Variants in TENM2 observed in about 807,000 individuals in gnomAD.
TENM2 encodes teneurin transmembrane protein 2.
In TENM2, 52 loss-of-function variants were observed where a neutral mutation model predicts 245.2. The ratio of observed to expected loss-of-function variants is 0.21; its 90% CI spans 0.17 to 0.27. The LOEUF (loss-of-function observed/expected upper bound fraction) is 0.27, where lower values mean the gene tolerates loss of function less well. TENM2 is among the 10% of genes least tolerant of loss of function. The pLI is 1.00. For missense variants in TENM2, 3,046 were observed against 3,666.8 expected, an observed-to-expected ratio of 0.83 and a Z score of 4.37; for synonymous variants, 1,363 against 1,438.9, an observed-to-expected ratio of 0.95 and a Z score of 1.19.
the TENM2 span, among the ~76,000 whole-genome samples, chr5:167,007,096 C>A: frequency 2.0e-5 from 3 of 152,198 alleles, no homozygotes; most frequent in Non-Finnish European, 4.4e-5. The surrounding 1 kb of genome is among the most constrained non-coding windows in gnomAD (Gnocchi z 4.2). Flanking sequence ...TTTACCCATT[C>A]TCCTGCTACT....
intron 1 of TENM2, among the ~76,000 whole-genome samples, chr5:167,321,364 T>G (rs1253930297): frequency 2.0e-5 from 3 of 152,200 alleles, no homozygotes; most frequent in Non-Finnish European, 4.4e-5. Context: ...GGCCTGCTTT[T>G]TCCTTTTCTA....
intron 2 of TENM2, among the ~76,000 whole-genome samples, chr5:167,533,273 G>A (rs1274045968): frequency 6.6e-6 from 1 of 152,148 alleles, no homozygotes; most frequent in Non-Finnish European, 1.5e-5. Context: ...CGAAAAACAA[G>A]CCAATGAACT....
At chr5:167,350,406 C>CAT (rs1207652567) in intron 1 of TENM2, among the ~76,000 whole-genome samples, 50 of 96,948 alleles carry the variant, frequency 5.2e-4, no homozygotes, top group Non-Finnish European at 7.8e-4. Context: ...AACCCATATA[C>CAT]ATATATATGT....
At chr5:167,301,138 C>T (rs915837576) in intron 1 of TENM2, among the ~76,000 whole-genome samples, 10 of 152,252 alleles carry the variant, frequency 6.6e-5, no homozygotes, top group African/African-American at 2.2e-4. Context: ...CCGAGGTGAT[C>T]GGGCAGCGTC....
At chr5:167,632,425 G>A (rs974990471) in intron 2 of TENM2, among the ~76,000 whole-genome samples, 4 of 152,174 alleles carry the variant, frequency 2.6e-5, no homozygotes, top group Non-Finnish European at 4.4e-5. Context: ...AAGTGACACT[G>A]GAAAAATCAA....
intron 3 of TENM2, among the ~76,000 whole-genome samples, chr5:167,948,286 C>T (rs1232344805): frequency 6.6e-6 from 1 of 152,186 alleles, no homozygotes; most frequent in African/African-American, 2.4e-5. Flanking sequence ...TCACTGCCAA[C>T]CGGTAGGCAT....
intron 2 of TENM2, among the ~76,000 whole-genome samples, chr5:167,624,910 C>G (rs1778400316): frequency 6.6e-6 from 1 of 152,118 alleles, no homozygotes; most frequent in Admixed American, 6.5e-5. Context: ...AAACAAGGTA[C>G]TAGTTGCATT....
At chr5:167,558,715 A>G (rs1355667751) in intron 2 of TENM2, among the ~76,000 whole-genome samples, 2 of 152,162 alleles carry the variant, frequency 1.3e-5, no homozygotes, top group Non-Finnish European at 2.9e-5. Context: ...ATTCTACATT[A>G]TGGTGAGTAT....
intron 9 of TENM2, among the ~76,000 whole-genome samples, chr5:168,106,290 G>T (rs1013526398): frequency 6.6e-6 from 1 of 152,056 alleles, no homozygotes; most frequent in Non-Finnish European, 1.5e-5. Context: ...CCGTTAACTG[G>T]CAAATGTTCC....
intron 2 of TENM2, among the ~76,000 whole-genome samples, chr5:167,581,421 T>C (rs576481207): frequency 6.6e-6 from 1 of 152,300 alleles, no homozygotes; most frequent in African/African-American, 2.4e-5. Flanking sequence ...TGTAGTATAA[T>C]GAACAATAGT....
chr5:167,375,616 G>T, intron 2 of TENM2, 143 bp downstream of exon 4: 1 of 853,552 alleles, frequency 1.2e-6, no homozygotes, highest in South Asian at 1.7e-5. Context: ...TGTGAGCTGG[G>T]GGGAAGTAAA....
intron 2 of TENM2, among the ~76,000 whole-genome samples, chr5:167,535,657 A>G (rs1011861339): frequency 6.6e-6 from 1 of 152,224 alleles, no homozygotes; most frequent in Non-Finnish European, 1.5e-5. Flanking sequence ...CTGCCATGTA[A>G]AGACACAATG....
intron 4 of TENM2, among the ~76,000 whole-genome samples, chr5:167,971,387 C>T (rs1781769650): frequency 8.4e-6 from 1 of 118,494 alleles, no homozygotes; most frequent in South Asian, 2.9e-4. Context: ...TCAAGGTCAA[C>T]ATGAATTGGG....
At chr5:167,603,846 T>C (rs990952174) in intron 2 of TENM2, among the ~76,000 whole-genome samples, 2 of 152,196 alleles carry the variant, frequency 1.3e-5, no homozygotes, top group Non-Finnish European at 2.9e-5. Flanking sequence ...ATAGAAGGAA[T>C]GATTACAACA....
the TENM2 span, among the ~76,000 whole-genome samples, chr5:167,097,033 C>T: frequency 1.2e-4 from 19 of 152,078 alleles, no homozygotes; most frequent in African/African-American, 3.9e-4. Context: ...GCCTTTCTGC[C>T]GGGTTCAGAC....
intron 2 of TENM2, among the ~76,000 whole-genome samples, chr5:167,525,486 T>A (rs1007777657): frequency 6.6e-6 from 1 of 152,130 alleles, no homozygotes; most frequent in African/African-American, 2.4e-5. Flanking sequence ...TTTGTTATCA[T>A]AAAAGAATGC....
intron 2 of TENM2, among the ~76,000 whole-genome samples, chr5:167,860,081 C>T (rs1454605973): frequency 5.3e-5 from 4 of 76,040 alleles, no homozygotes; most frequent in Admixed American, 1.1e-4. Context: ...CCCCCCTGCC[C>T]GGCCAGCCGC....
At chr5:167,633,745 C>T (rs528047874) in intron 2 of TENM2, among the ~76,000 whole-genome samples, 4 of 152,128 alleles carry the variant, frequency 2.6e-5, no homozygotes, top group African/African-American at 9.6e-5. Flanking sequence ...TTATGTGACC[C>T]AGGCACTATA....
intron 2 of TENM2, among the ~76,000 whole-genome samples, chr5:167,690,923 ATGTGTGTGTGTGTGTGTGTGTGTG>A (rs375456466): frequency 0.065 from 5,125 of 78,766 alleles, 103 homozygotes; most frequent in East Asian, 0.3. Flanking sequence ...ATATGCGAGT[ATGTGTGTGTGTGTGTGTGTGTGTG>A]TGTGTGTGTG....
Sources: allele counts gnomAD v4.1 joint callset (sites outside exome capture counted in the v4.1 genomes callset), GRCh38; gene constraint gnomAD v4.1.1; non-coding constraint Gnocchi (gnomAD v3.1); transcripts MANE v1.5; gene names NCBI Gene and HGNC (gene_info 2026-07-23, HGNC 2026-07-21).